The following PAK6 variants were observed in gnomAD, a reference collection of about 807,000 sequenced individuals.
PAK6 encodes serine/threonine-protein kinase PAK 6.
PAK6 carries 33 observed loss-of-function variants against 60.8 expected under a neutral mutation model. The ratio of observed to expected loss-of-function variants is 0.54; its 90% CI spans 0.41 to 0.73. PAK6 has a LOEUF of 0.73. Among genes scored for constraint, PAK6 ranks in the 30% least tolerant of loss-of-function variants. The probability of loss-of-function intolerance (pLI) is 0.00; values close to 1 mark genes in which losing one functional copy is unlikely to be tolerated. For synonymous variants in PAK6, 404 were observed against 378.5 expected (o/e 1.07, Z -0.78); for missense variants, 845 against 904.1 (o/e 0.93, Z 0.84).
exon 6 of PAK6, chr15:40,272,336 C>T (rs759202398): frequency 1.1e-5 from 18 of 1,613,780 alleles, no homozygotes; most frequent in South Asian, 3.3e-5. Flanking sequence ...CTGACCACTT[C>T]GGATACCAGC....
intron 2 of PAK6, chr15:40,252,594 G>A: frequency 3.0e-6 from 4 of 1,354,944 alleles, no homozygotes; most frequent in Non-Finnish European, 2.9e-6. Flanking sequence ...GTGTAAGCGC[G>A]GCCCCTCCTC....
chr15:40,252,809 G>C, intron 2 of PAK6: 1 of 1,296,026 alleles, frequency 7.7e-7, no homozygotes, highest in Non-Finnish European at 1.0e-6. Context: ...CCAGGCGAGG[G>C]GCCTTGGGCG....
At position 40,275,583 on chromosome 15, in the gene PAK6, C is replaced by T. The variant is rs533738309; in HGVS notation, c.1879-344C>T. Among the ~76,000 whole-genome samples the T allele has an allele frequency of 9.2e-5, 14 of 152,168 alleles. No homozygotes were observed. The East Asian group carries it at 1.7e-3, about 19-fold the overall frequency. Reference sequence around the variant, plus strand: ...TACAGGCTTGAGCCACTGCGCCCAGCGACCTGTTTTTAAAATCTCAAAAGC... The same window carrying T: ...TACAGGCTTGAGCCACTGCGCCCAGTGACCTGTTTTTAAAATCTCAAAAGC... On this transcript the variant is annotated intron_variant, in intron 10 of 10. Transcript: ENST00000560346.
chr15:40,259,761 T>C (rs1346293251), intron 3 of PAK6: 1 of 108,060 alleles, frequency 9.3e-6, no homozygotes. Flanking sequence ...TACTCCAGCC[T>C]GGGCAACAGA....
exon 5 of PAK6, chr15:40,266,350 C>CAGGCAGGCCAGGTGGGGA (rs1566854396): frequency 3.7e-6 from 6 of 1,612,484 alleles, no homozygotes; most frequent in Admixed American, 3.3e-5. Context: ...GGCTCAGCCA[C>CAGGCAGGCCAGGTGGGGA]AGGCAGGCCA....
At chr15:40,239,203 A>T (rs967070957), upstream of PAK6, 1 of 152,000 alleles carries the variant, frequency 6.6e-6, no homozygotes, top group Non-Finnish European at 1.5e-5. Context: ...GATGGGCGGG[A>T]GCGGGGTGGA....
rs776109877 is a variant in PAK6 at position 40,266,479 on chromosome 15, C to T, written c.842C>T (p.Pro281Leu). 13 of 1,607,074 alleles carry T rather than the reference C, an allele frequency of 8.1e-6. No homozygotes were observed. The highest frequency in any genetic ancestry group is 1.1e-5 in the Non-Finnish European group (13 of 1,176,816). ...CCTCCAAGCAGCAGCAAGCCAGGCC[C>T]TCCACCACAGAGCAAGGTAAGTCAG... is the stretch of plus-strand genomic sequence containing the variant. The change falls in exon 5 of 11, where the codon CCT becomes CTT. Residue 281 changes from proline to leucine, a missense_variant. Physicochemically the swap from Pro to Leu is moderately conservative, Grantham distance 98. Transcript: ENST00000560346.
intron 5 of PAK6, among the ~76,000 whole-genome samples, chr15:40,270,781 G>C (rs2039279259): frequency 6.6e-6 from 1 of 152,264 alleles, no homozygotes; most frequent in Non-Finnish European, 1.5e-5. Context: ...TGGGCAGGCA[G>C]GTGTGGGGGT....
intron 10 of PAK6, among the ~76,000 whole-genome samples, chr15:40,275,280 GTTTTTTTT>G (rs869058525): frequency 1.1e-4 from 6 of 56,512 alleles, no homozygotes; most frequent in East Asian, 6.0e-4. Flanking sequence ...GTTGTTGTTG[GTTTTTTTT>G]TTTTTTTTTT....
chr15:40,266,627 T>G (rs571490434), intron 5 of PAK6, 132 bp downstream of exon 5: 1 of 843,030 alleles, frequency 1.2e-6, no homozygotes, highest in African/African-American at 1.7e-5. Context: ...GGCAGAAATG[T>G]GCACGGTAAC....
At chr15:40,246,313 T>G (rs2038493730) in intron 2 of PAK6, 1 of 152,154 alleles carries the variant, frequency 6.6e-6, no homozygotes, top group African/African-American at 2.4e-5. Context: ...CATTTACATG[T>G]CCAATAGCCA....
intron 3 of PAK6, among the ~76,000 whole-genome samples, chr15:40,262,837 C>A (rs2039018055): frequency 1.3e-5 from 2 of 152,102 alleles, no homozygotes; most frequent in Non-Finnish European, 2.9e-5. Context: ...CTTTCATTAA[C>A]CCCCCTGGCT....
chr15:40,267,264 G>A lies in PAK6; in HGVS notation c.858+769G>A, dbSNP rs74013304. ...CAAGCCTGGGTACTCCCCTGTCATC[G>A]GTGGGGTGAGTGTGGCCCAGCCTGC... On this transcript the variant is annotated intron_variant, in intron 5 of 10. Transcript: ENST00000560346. Among the ~76,000 whole-genome samples the A allele has an allele frequency of 6.9e-3, 1,046 of 152,268 alleles. 19 individuals carry two copies. Among genetic ancestry groups the A allele is most frequent in the African/African-American group, 0.024 (978 of 41,552 alleles).
exon 7 of PAK6, chr15:40,272,868 G>A: frequency 6.2e-7 from 1 of 1,613,726 alleles, no homozygotes; most frequent in Non-Finnish European, 8.5e-7. Context: ...GCCCCCAGGT[G>A]GTGATCATGC....
Position 40,271,417 on chromosome 15 carries a change from G to A in PAK6, c.859-807G>A, listed in dbSNP as rs142088509. On this transcript the variant is annotated intron_variant, in intron 5 of 10. Transcript: ENST00000560346. ...GGCCCCCTACCTTCTCCTCCCTCCC[G>A]GGGGCTCCTTAGCCAGGAGTTTCAT... Among the ~76,000 whole-genome samples, 1,290 of 152,230 alleles carry A rather than the reference G, an allele frequency of 8.5e-3. 18 individuals carry two copies. Among genetic ancestry groups the A allele is most frequent in the African/African-American group, 0.03 (1,253 of 41,564 alleles).
chr15:40,276,170 C>A, exon 11 of PAK6: 5 of 1,303,958 alleles, frequency 3.8e-6, no homozygotes, highest in Non-Finnish European at 5.5e-6. Context: ...GCAGGACTTG[C>A]CTGCCTCCTC....
intron 9 of PAK6, 77 bp downstream of exon 9, chr15:40,273,753 G>C (rs1409049209): frequency 4.5e-6 from 7 of 1,543,666 alleles, no homozygotes; most frequent in Admixed American, 1.9e-5. Flanking sequence ...GGCCCCTCCA[G>C]TGAGCTCACC....
At chr15:40,256,626 G>C (rs925150577) in intron 3 of PAK6, among the ~76,000 whole-genome samples, 2 of 152,216 alleles carry the variant, frequency 1.3e-5, no homozygotes, top group Non-Finnish European at 2.9e-5. Flanking sequence ...AACAGAGGGT[G>C]GTGGTAGGAG....
intron 3 of PAK6, among the ~76,000 whole-genome samples, chr15:40,264,226 A>G (rs1459857165): frequency 6.6e-6 from 1 of 152,046 alleles, no homozygotes; most frequent in Admixed American, 6.5e-5. Context: ...GTTGTAATAA[A>G]AAAAAAAAGC....
Sources: allele counts gnomAD v4.1 joint callset (sites outside exome capture counted in the v4.1 genomes callset), GRCh38; gene constraint gnomAD v4.1.1; transcripts MANE v1.5; gene names NCBI Gene and HGNC (gene_info 2026-07-23, HGNC 2026-07-21).